Variants in CSMD1 observed in about 807,000 individuals in gnomAD.
CSMD1 encodes CUB and Sushi multiple domains 1.
Under a neutral mutation model 417.5 loss-of-function variants are expected in CSMD1, and 213 were observed. The observed-to-expected ratio is 0.51, with a 90% CI of 0.46 to 0.57. The LOEUF (loss-of-function observed/expected upper bound fraction) is 0.57. CSMD1 is among the 20% of genes least tolerant of loss of function. The pLI is 0.00. For synonymous variants in CSMD1, 2,862 were observed against 1,736.8 expected (o/e 1.65, Z -16.11); for missense variants, 6,923 against 4,529.7 (o/e 1.53, Z -15.17).
intron 2 of CSMD1, among the ~76,000 whole-genome samples, chr8:4,519,781 A>AAAAAAAAAT (rs1402594571): frequency 7.5e-6 from 1 of 133,208 alleles, no homozygotes; most frequent in Admixed American, 8.0e-5. Context: ...AAAAAAAAAA[A>AAAAAAAAAT]ATTCTTGCCT....
intron 10 of CSMD1, among the ~76,000 whole-genome samples, chr8:3,529,435 G>T (rs1797886595): frequency 6.6e-6 from 1 of 152,130 alleles, no homozygotes; most frequent in South Asian, 2.1e-4. Flanking sequence ...AATTCAGCAG[G>T]AATTTTTGTA....
At chr8:3,778,893 A>G (rs1235303919) in intron 5 of CSMD1, among the ~76,000 whole-genome samples, 1 of 152,192 alleles carries the variant, frequency 6.6e-6, no homozygotes, top group Admixed American at 6.5e-5. Flanking sequence ...GACAAAAAGT[A>G]GGACAGGAGT....
intron 3 of CSMD1, among the ~76,000 whole-genome samples, chr8:4,228,126 C>T (rs1341698173): frequency 6.6e-6 from 1 of 152,168 alleles, no homozygotes; most frequent in Non-Finnish European, 1.5e-5. Flanking sequence ...TAACAGGAGA[C>T]ATACCCTCCA....
At chr8:4,112,007 T>C (rs752536899) in intron 3 of CSMD1, among the ~76,000 whole-genome samples, 1 of 151,598 alleles carries the variant, frequency 6.6e-6, no homozygotes, top group Non-Finnish European at 1.5e-5. Context: ...ATACCAAGTC[T>C]TTTAAATGAC....
intron 5 of CSMD1, among the ~76,000 whole-genome samples, chr8:3,783,479 C>T (rs1286228759): frequency 3.9e-5 from 6 of 152,274 alleles, no homozygotes; most frequent in East Asian, 3.9e-4. Flanking sequence ...GGCTGTGAGG[C>T]GGCCCTGCAG....
In CSMD1 at chr8:2,948,171, TC is replaced by T. The variant is rs150554317; in HGVS notation, c.10402+1127del. Among the ~76,000 whole-genome samples the T allele has an allele frequency of 7.5e-3, 1,149 of 152,186 alleles. 11 individuals are homozygous for T. The highest frequency in any genetic ancestry group is 0.026 in the African/African-American group (1,092 of 41,504). ...GCCAAGGTTGTTACAAAAATGCGTT[TC>T]CTTTTATTTGTGGGTTGCAACAATT... On this transcript the variant is annotated intron_variant, in intron 68 of 69. Transcript: ENST00000635120.
At position 3,754,121 on chromosome 8, in the gene CSMD1, C is replaced by G. The variant is rs181756166; in HGVS notation, c.819-79G>C. ...TCCTATATCAAACCCGCTTTGAAAT[C>G]CGATTACTTAAATCCTTCATCTTGA... On this transcript the variant is annotated intron_variant, in intron 5 of 69. Coordinates refer to ENST00000635120, the MANE Select transcript of CSMD1 (RefSeq NM_033225.6). 1.2e-3 allele frequency: 1,013 copies of G among 832,752 alleles called. 13 individuals carry two copies. In the East Asian group the frequency reaches 0.026, roughly 21 times the overall value. The allele number at this position is 832,752 out of a possible 1,614,324, so 51.6% of individuals were successfully genotyped here.
At chr8:4,816,345 T>C (rs1799208377) in intron 1 of CSMD1, among the ~76,000 whole-genome samples, 1 of 151,752 alleles carries the variant, frequency 6.6e-6, no homozygotes. Flanking sequence ...TCACCACACC[T>C]GGGTAATTTT....
intron 1 of CSMD1, among the ~76,000 whole-genome samples, chr8:4,768,973 T>G (rs1796468693): frequency 6.6e-6 from 1 of 152,172 alleles, no homozygotes; most frequent in Non-Finnish European, 1.5e-5. Flanking sequence ...AACTTGTGAC[T>G]AAACTGTTAT....
Position 2,942,559 on chromosome 8 carries a change from G to C in CSMD1, c.10448C>G (p.Thr3483Ser). The C allele has an allele frequency of 6.2e-7, 1 of 1,606,742 alleles. No homozygotes were observed. The highest frequency in any genetic ancestry group is 8.5e-7 in the Non-Finnish European group (1 of 1,175,728). ...DQDSSSHYHG[T>S]SSGSVAAAIL... The stretch of plus-strand genomic sequence containing the variant: ...GGCAGCCGCCACAGAGCCACTGCTG[G>C]TGCCGTGGTAATGACTGGAAGAGTC... The change falls in exon 69 of 70, where the codon ACC (threonine) becomes AGC (serine). Residue 3483 changes from threonine (T) to serine (S), a missense_variant. Thr to Ser is a moderately conservative substitution (Grantham distance 58). Coordinates refer to ENST00000635120, the MANE Select transcript of CSMD1 (RefSeq NM_033225.6).
intron 2 of CSMD1, among the ~76,000 whole-genome samples, chr8:4,439,231 T>TTTGTTTAATA (rs1445781021): frequency 2.0e-5 from 3 of 152,306 alleles, no homozygotes; most frequent in East Asian, 3.9e-4. Context: ...ATACTTTATA[T>TTTGTTTAATA]GAAATATATT....
At chr8:3,480,139 G>C (rs1277113283) in intron 11 of CSMD1, among the ~76,000 whole-genome samples, 1 of 151,896 alleles carries the variant, frequency 6.6e-6, no homozygotes, top group Non-Finnish European at 1.5e-5. Flanking sequence ...TGGATGGATT[G>C]CCTGAGCTCA....
At chr8:4,328,572 A>G (rs543103333) in intron 3 of CSMD1, among the ~76,000 whole-genome samples, 1 of 152,102 alleles carries the variant, frequency 6.6e-6, no homozygotes, top group Admixed American at 6.6e-5. Context: ...CAACAATTTA[A>G]AAAAATGAAA....
At chr8:3,505,258 A>T (rs1796776035) in intron 10 of CSMD1, among the ~76,000 whole-genome samples, 2 of 152,230 alleles carry the variant, frequency 1.3e-5, no homozygotes, top group African/African-American at 4.8e-5. Context: ...GTTAGATGCG[A>T]TAAAATGCAG....
chr8:3,974,736 C>G (rs1269795021), intron 5 of CSMD1, among the ~76,000 whole-genome samples: 1 of 151,594 alleles, frequency 6.6e-6, no homozygotes, highest in African/African-American at 2.4e-5. Context: ...ACAGGCAAAA[C>G]TAAATTTTGG....
intron 1 of CSMD1, among the ~76,000 whole-genome samples, chr8:4,748,114 G>C (rs577913610): frequency 6.6e-6 from 1 of 152,208 alleles, no homozygotes; most frequent in East Asian, 1.9e-4. Context: ...TTCCTTAGAA[G>C]AACAATGACA....
intron 5 of CSMD1, among the ~76,000 whole-genome samples, chr8:3,967,934 G>A (rs1422100849): frequency 1.5e-4 from 22 of 150,574 alleles, no homozygotes; most frequent in African/African-American, 4.4e-4. Flanking sequence ...TTGGGAGGCC[G>A]AGGTGTGCGG....
chr8:3,915,100 G>A (rs1189408400), intron 5 of CSMD1, among the ~76,000 whole-genome samples: 1 of 152,046 alleles, frequency 6.6e-6, no homozygotes. Flanking sequence ...CCCTAATAAT[G>A]AAGAGTCAAG....
At chr8:2,977,654 G>A (rs1193977934) in intron 55 of CSMD1, among the ~76,000 whole-genome samples, 1 of 152,098 alleles carries the variant, frequency 6.6e-6, no homozygotes, top group East Asian at 1.9e-4. Context: ...CCAACAGAAT[G>A]GATGAAAATC....
Sources: gnomAD v4.1 joint callset for allele counts (sites outside exome capture counted in the v4.1 genomes callset) on GRCh38, gnomAD v4.1.1 for gene constraint, MANE v1.5 for transcripts, NCBI Gene and HGNC (gene_info 2026-07-23, HGNC 2026-07-21) for gene names.